MCCD1: variants seen among roughly 807,000 people sequenced by gnomAD.
MCCD1 encodes the protein mitochondrial coiled-coil domain 1, also known as mitochondrial coiled-coil domain protein 1.
In MCCD1, 5 loss-of-function variants were observed where a neutral mutation model predicts 5.6. That is an observed-to-expected ratio of 0.89 (90% CI 0.46 to 1.87). MCCD1 has a LOEUF of 1.87. Among genes scored for constraint, MCCD1 ranks in the 40% most tolerant of loss-of-function variants. MCCD1 has a pLI of 0.01. For missense variants in MCCD1, 178 were observed against 141.8 expected (o/e 1.26, Z -1.30); for synonymous variants, 70 against 57.3 (o/e 1.22, Z -1.00).
At chr6:31,529,457 G>A (rs1016710838) in intron 1 of MCCD1, among the ~76,000 whole-genome samples, 9 of 147,334 alleles carry the variant, frequency 6.1e-5, no homozygotes, top group Admixed American at 1.4e-4. Context: ...ATTTCTTAGC[G>A]GGGAGGAGCA....
At chr6:31,529,285 C>A in intron 1 of MCCD1, 100 bp downstream of exon 1, 1 of 1,229,258 alleles carries the variant, frequency 8.1e-7, no homozygotes. Context: ...CCACACCATG[C>A]CTACCCCTGC....
chr6:31,529,956 C>G lies in MCCD1; in HGVS notation c.*21C>G, dbSNP rs1341687172. On this transcript the variant is annotated 3_prime_UTR_variant, in exon 2 of 2. Transcript: ENST00000376191. ...CCTAAGTTTCCCCCAGTGCCCACAG[C>G]ACCCTCCGGCGCTGAAAATACACGC... 6.8e-7 allele frequency: 1 copy of G among 1,471,618 alleles called. No homozygotes were observed. Among genetic ancestry groups the G allele is most frequent in the Non-Finnish European group, 9.1e-7 (1 of 1,104,610 alleles). 91.2% of individuals were successfully genotyped at this position (1,471,618 alleles called of 1,614,324 possible).
rs781271391 is a variant in MCCD1 at position 31,529,744 on chromosome 6, C to A, written c.172-3C>A. The A allele has an allele frequency of 9.6e-6, 14 of 1,463,750 alleles. No individual in the cohort carries two copies. The African/African-American group carries it at 1.6e-4, about 17-fold the overall frequency. 90.7% of individuals were successfully genotyped at this position (1,463,750 alleles called of 1,614,324 possible). A position where few individuals can be genotyped will look rare whatever the true frequency, so the allele number is the denominator to read the frequency against. ...ATGCTCCCTCCCTTAATTCCCTGAC[C>A]AGGGCCCTGGGACCCACCGCACAGC... On this transcript the variant is annotated splice_region_variant and splice_polypyrimidine_tract_variant and intron_variant, in intron 1 of 1. Transcript: ENST00000376191.
rs1766989202 is a variant in MCCD1, at chr6:31,530,153, T to TAGGA, written c.*220_*223dup. On this transcript the variant is annotated 3_prime_UTR_variant, in exon 2 of 2. Coordinates refer to ENST00000376191, the MANE Select transcript of MCCD1 (RefSeq NM_001011700.3). The surrounding 1 kb of genome is among the most constrained non-coding windows in gnomAD (Gnocchi z 4.5). ...CAGCAGGCAGGGCACCCAGGCCTTA[T>TAGGA]AGGAATTCACCCTGGACCATGCCCT... is the stretch of plus-strand genomic sequence containing the variant. The TAGGA allele has an allele frequency of 2.0e-6, 2 of 988,716 alleles. No homozygotes were observed. The highest frequency in any genetic ancestry group is 3.3e-5 in the African/African-American group (2 of 60,724). 61.2% of individuals were successfully genotyped at this position (988,716 alleles called of 1,614,324 possible). A position where few individuals can be genotyped will look rare whatever the true frequency, so the allele number is the denominator to read the frequency against.
chr6:31,529,248 A>C, intron 1 of MCCD1, 63 bp downstream of exon 1: 1 of 1,550,730 alleles, frequency 6.4e-7, no homozygotes, highest in East Asian at 2.3e-5. Context: ...TGGGAAAAAA[A>C]AACCCTCAAT....
Position 31,529,101 on chromosome 6 carries a change from T to C in MCCD1, c.87T>C (p.His29=). 2 of 1,612,672 alleles carry C rather than the reference T, an allele frequency of 1.2e-6. No homozygotes were observed. Among genetic ancestry groups the C allele is most frequent in the Non-Finnish European group, 8.5e-7 (1 of 1,179,832 alleles). ...GGTCCTTGGCACCCCAGGGCTCCCATGGGTGCTGCTCCCAAAACCCCAAAG... is the reference window on the plus strand; with the variant it reads ...GGTCCTTGGCACCCCAGGGCTCCCACGGGTGCTGCTCCCAAAACCCCAAAG... ...PSWSLAPQGS[H]GCCSQNPKAS... The change falls in exon 1 of 2, where the codon CAT becomes CAC. Residue 29 remains histidine (H), a synonymous_variant. Coordinates refer to ENST00000376191, the MANE Select transcript of MCCD1 (RefSeq NM_001011700.3).
chr6:31,530,116 C>G lies in MCCD1; in HGVS notation c.*181C>G. 1.6e-6 allele frequency: 2 copies of G among 1,243,202 alleles called. No homozygotes were observed. Among genetic ancestry groups the G allele is most frequent in the South Asian group, 3.5e-5 (2 of 57,586 alleles). The allele number at this position is 1,243,202 out of a possible 1,614,324, so 77.0% of individuals were successfully genotyped here. The stretch of plus-strand genomic sequence containing the variant: ...GGCTCTGCAGTCTTAGTCCCATTCC[C>G]CTTTGATCTCACAGCAGGCAGGGCA... On this transcript the variant is annotated 3_prime_UTR_variant, in exon 2 of 2. Transcript: ENST00000376191. The surrounding 1 kb of genome is among the most constrained non-coding windows in gnomAD (Gnocchi z 4.5).
chr6:31,528,996 C>A lies in MCCD1; in HGVS notation c.-19C>A, dbSNP rs762068614. ...TGGCCGTTGGACAGCTCACACAGCT[C>A]CCTGCCAGGTCACCCGCCATGGTCC... On this transcript the variant is annotated 5_prime_UTR_variant, in exon 1 of 2. Transcript: ENST00000376191. 3.7e-6 allele frequency: 6 copies of A among 1,608,848 alleles called. No homozygotes were observed. In the South Asian group the frequency reaches 6.6e-5, roughly 18 times the overall value.
chr6:31,529,047 C>A lies in MCCD1; in HGVS notation c.33C>A (p.Tyr11Ter), dbSNP rs1362846400. The A allele has an allele frequency of 6.2e-7, 1 of 1,612,108 alleles. No homozygotes were observed. Among genetic ancestry groups the A allele is most frequent in the African/African-American group, 1.3e-5 (1 of 74,838 alleles). The change falls in exon 1 of 2, where the codon TAC (tyrosine) becomes TAA (stop). Residue 11 changes from tyrosine (Y) to a stop codon, truncating the protein, a stop_gained. Transcript: ENST00000376191. LOFTEE classifies it high-confidence loss of function. MVLPLPWLSR[Y>*]HFLRLLLPSW... ...TCCCTCTGCCCTGGCTCTCTCGGTACCATTTCCTTCGCCTCCTTCTGCCCT... is the reference window on the plus strand; with the variant it reads ...TCCCTCTGCCCTGGCTCTCTCGGTAACATTTCCTTCGCCTCCTTCTGCCCT...
chr6:31,529,623 G>T, intron 1 of MCCD1, 124 bp from the exon 2 acceptor site: 1 of 1,208,028 alleles, frequency 8.3e-7, no homozygotes, highest in South Asian at 2.3e-5. Flanking sequence ...GTCCTTAAAC[G>T]ACCGGTTCAA....
Position 31,529,793 on chromosome 6 carries a change from T to C in MCCD1, c.218T>C (p.Leu73Ser). Residue 73 changes from leucine to serine, a missense_variant, in exon 2 of 2, where the codon TTG becomes TCG. By Grantham distance (145) the Leu-to-Ser change is moderately radical. Transcript: ENST00000376191. ...GCTGAGCTGGCCCGAGCTGAAGAGTTGTTGGAGCAGCAGCTGGAGCTGTAC... is the reference window on the plus strand; with the variant it reads ...GCTGAGCTGGCCCGAGCTGAAGAGTCGTTGGAGCAGCAGCTGGAGCTGTAC... Reference protein sequence around the residue: ...RTAELARAEELLEQQLELYQA... With the variant: ...RTAELARAEESLEQQLELYQA... The C allele has an allele frequency of 6.3e-7, 1 of 1,576,670 alleles. No individual in the cohort carries two copies.
Position 31,529,984 on chromosome 6 carries a change from C to A in MCCD1, c.*49C>A, listed in dbSNP as rs1423266933. On this transcript the variant is annotated 3_prime_UTR_variant, in exon 2 of 2. Transcript: ENST00000376191. Reference sequence around the variant, plus strand: ...CCTCCGGCGCTGAAAATACACGCACCACCCACCAGGAGCCTTGGGATCATA... The same window carrying A: ...CCTCCGGCGCTGAAAATACACGCACAACCCACCAGGAGCCTTGGGATCATA... 3 of 1,442,442 alleles carry A rather than the reference C, an allele frequency of 2.1e-6. No homozygotes were observed. Among genetic ancestry groups the A allele is most frequent in the Non-Finnish European group, 2.7e-6 (3 of 1,091,368 alleles). The allele number at this position is 1,442,442 out of a possible 1,614,324, so 89.4% of individuals were successfully genotyped here. A position where few individuals can be genotyped will look rare whatever the true frequency, so the allele number is the denominator to read the frequency against.
Position 31,529,037 on chromosome 6 carries a change from T to A in MCCD1, c.23T>A (p.Leu8His). MVLPLPW[L>H]SRYHFLRLLL... is the part of the protein sequence containing the mutation. The stretch of plus-strand genomic sequence containing the variant: ...GCCATGGTCCTCCCTCTGCCCTGGC[T>A]CTCTCGGTACCATTTCCTTCGCCTC... The change falls in exon 1 of 2, where the codon CTC (leucine) becomes CAC (histidine). Residue 8 changes from leucine (L) to histidine (H), a missense_variant. Coordinates refer to ENST00000376191, the MANE Select transcript of MCCD1 (RefSeq NM_001011700.3). 1 of 1,612,478 alleles carries A rather than the reference T, an allele frequency of 6.2e-7. No homozygotes were observed. The highest frequency in any genetic ancestry group is 8.5e-7 in the Non-Finnish European group (1 of 1,179,730).
At position 31,529,009 on chromosome 6, in the gene MCCD1, C is replaced by T; in HGVS notation, c.-6C>T. The stretch of plus-strand genomic sequence containing the variant: ...GCTCACACAGCTCCCTGCCAGGTCA[C>T]CCGCCATGGTCCTCCCTCTGCCCTG... On this transcript the variant is annotated 5_prime_UTR_variant, in exon 1 of 2. Transcript: ENST00000376191. 1 of 1,610,872 alleles carries T rather than the reference C, an allele frequency of 6.2e-7. No homozygotes were observed. The highest frequency in any genetic ancestry group is 8.5e-7 in the Non-Finnish European group (1 of 1,178,712).
At chr6:31,529,606 TA>T in intron 1 of MCCD1, 140 bp from the exon 2 acceptor site, 1 of 1,071,662 alleles carries the variant, frequency 9.3e-7, no homozygotes, top group South Asian at 2.3e-5. Context: ...GCCTTCTCAG[TA>T]CAGGTGTCCT....
At chr6:31,529,290 C>T in intron 1 of MCCD1, 105 bp downstream of exon 1, 1 of 1,195,282 alleles carries the variant, frequency 8.4e-7, no homozygotes, top group Non-Finnish European at 1.2e-6. Context: ...CCATGCCTAC[C>T]CCTGCAGCTC....
chr6:31,530,096 T>A lies in MCCD1; in HGVS notation c.*161T>A. Reference sequence around the variant, plus strand: ...GCAGGCAGTGGGGGAGCCAGGGCTCTGCAGTCTTAGTCCCATTCCCCTTTG... The same window carrying A: ...GCAGGCAGTGGGGGAGCCAGGGCTCAGCAGTCTTAGTCCCATTCCCCTTTG... On this transcript the variant is annotated 3_prime_UTR_variant, in exon 2 of 2. Transcript: ENST00000376191. The surrounding 1 kb of genome is among the most constrained non-coding windows in gnomAD (Gnocchi z 4.5). 7.4e-7 allele frequency: 1 copy of A among 1,344,178 alleles called. No homozygotes were observed. Among genetic ancestry groups the A allele is most frequent in the East Asian group, 2.6e-5 (1 of 38,428 alleles). 83.3% of individuals were successfully genotyped at this position (1,344,178 alleles called of 1,614,324 possible).
chr6:31,530,137 G>A lies in MCCD1; in HGVS notation c.*202G>A. On this transcript the variant is annotated 3_prime_UTR_variant, in exon 2 of 2. Coordinates refer to ENST00000376191, the MANE Select transcript of MCCD1 (RefSeq NM_001011700.3). The surrounding 1 kb of genome is among the most constrained non-coding windows in gnomAD (Gnocchi z 4.5). Reference sequence around the variant, plus strand: ...TTCCCCTTTGATCTCACAGCAGGCAGGGCACCCAGGCCTTATAGGAATTCA... The same window carrying A: ...TTCCCCTTTGATCTCACAGCAGGCAAGGCACCCAGGCCTTATAGGAATTCA... The A allele has an allele frequency of 9.2e-7, 1 of 1,091,858 alleles. No homozygotes were observed. The highest frequency in any genetic ancestry group is 3.1e-5 in the Admixed American group (1 of 31,762). 67.6% of individuals were successfully genotyped at this position (1,091,858 alleles called of 1,614,324 possible).
At chr6:31,529,650 T>G in intron 1 of MCCD1, 97 bp from the exon 2 acceptor site, 2 of 1,314,908 alleles carry the variant, frequency 1.5e-6, no homozygotes, top group South Asian at 2.1e-5. Flanking sequence ...ATAGGGAAGG[T>G]GGAATTTCTC....
Sources: allele counts gnomAD v4.1 joint callset (sites outside exome capture counted in the v4.1 genomes callset), GRCh38; gene constraint gnomAD v4.1.1; non-coding constraint Gnocchi (gnomAD v3.1); transcripts MANE v1.5; gene names NCBI Gene and HGNC (gene_info 2026-07-23, HGNC 2026-07-21).